Variants in SLC6A6 observed in about 807,000 individuals in gnomAD.
SLC6A6 encodes the protein solute carrier family 6 member 6.
In SLC6A6, 16 loss-of-function variants were observed where a neutral mutation model predicts 68.8. The observed-to-expected ratio is 0.23, with a 90% CI of 0.16 to 0.35. SLC6A6 has a LOEUF of 0.35. Ranked by LOEUF, SLC6A6 falls within the 10% of genes least tolerant of loss-of-function variation. The pLI is 1.00. For missense variants in SLC6A6, 474 were observed against 802.8 expected, an observed-to-expected ratio of 0.59 and a Z score of 4.95; for synonymous variants, 312 against 315.4, an observed-to-expected ratio of 0.99 and a Z score of 0.12.
At chr3:14,444,792 G>A (rs1397298306) in intron 3 of SLC6A6, 1 of 456,538 alleles carries the variant, frequency 2.2e-6, no homozygotes, top group African/African-American at 2.0e-5. Flanking sequence ...CCAGAACAAA[G>A]CACATACACT....
intron 13 of SLC6A6, among the ~76,000 whole-genome samples, 163 bp downstream of exon 13, chr3:14,479,348 T>G (rs1296114188): frequency 6.6e-6 from 1 of 151,786 alleles, no homozygotes; most frequent in African/African-American, 2.4e-5. Flanking sequence ...CTCCAGGGAG[T>G]TAGCTTGAGT....
chr3:14,478,501 T>C lies in SLC6A6; in HGVS notation c.1383T>C (p.Tyr461=), dbSNP rs1700934549. ...ATGTGTTTCAGCTCTTTGACTACTA[T>C]GCAGCTAGCGGTGTATGCCTTTTGT... The part of the protein sequence containing the change: ...GMYVFQLFDY[Y]AASGVCLLWV... The change falls in exon 12 of 15, where the codon TAT becomes TAC. Residue 461 remains tyrosine (Y), a synonymous_variant. Coordinates refer to ENST00000622186, the MANE Select transcript of SLC6A6 (RefSeq NM_003043.6). The C allele has an allele frequency of 1.2e-6, 2 of 1,613,802 alleles. No homozygotes were observed. Among genetic ancestry groups the C allele is most frequent in the African/African-American group, 1.3e-5 (1 of 74,928 alleles).
intron 2 of SLC6A6, among the ~76,000 whole-genome samples, chr3:14,419,328 C>T (rs1699435598): frequency 6.6e-6 from 1 of 152,196 alleles, no homozygotes; most frequent in South Asian, 2.1e-4. Flanking sequence ...CTGAGCACTG[C>T]TAGGTGTGCG....
chr3:14,470,873 G>C (rs1233416016), intron 9 of SLC6A6, among the ~76,000 whole-genome samples: 1 of 152,160 alleles, frequency 6.6e-6, no homozygotes, highest in Non-Finnish European at 1.5e-5. Flanking sequence ...CTCCTGATGG[G>C]GGTCTCCAGC....
chr3:14,450,005 C>T lies in SLC6A6; in HGVS notation c.599+2189C>T, dbSNP rs529020833. Among the ~76,000 whole-genome samples the T allele has an allele frequency of 1.6e-3, 244 of 152,274 alleles. 1 individual carries two copies. Among genetic ancestry groups the T allele is most frequent in the African/African-American group, 5.5e-3 (229 of 41,552 alleles). ...GACCTCATGATCTGCCTGCCTCAGC[C>T]TCCCAAAGTGCTGGGATTACAGGCG... On this transcript the variant is annotated intron_variant, in intron 5 of 14. Coordinates refer to ENST00000622186, the MANE Select transcript of SLC6A6 (RefSeq NM_003043.6). The surrounding 1 kb of genome is among the most constrained non-coding windows in gnomAD (Gnocchi z 4.1).
intron 5 of SLC6A6, among the ~76,000 whole-genome samples, chr3:14,456,023 G>C (rs1700359681): frequency 6.6e-6 from 1 of 152,224 alleles, no homozygotes; most frequent in Admixed American, 6.5e-5. Context: ...GAGAGCACTG[G>C]TTTTGGAGTC....
At chr3:14,409,074 C>G (rs572203826) in intron 1 of SLC6A6, among the ~76,000 whole-genome samples, 1 of 152,372 alleles carries the variant, frequency 6.6e-6, no homozygotes, top group South Asian at 2.1e-4. Context: ...TCCCAAAGTG[C>G]TGGGATTACT....
At chr3:14,418,153 A>G (rs1366149389) in intron 2 of SLC6A6, among the ~76,000 whole-genome samples, 3 of 152,176 alleles carry the variant, frequency 2.0e-5, no homozygotes, top group South Asian at 2.1e-4. Context: ...TCCTTTAGTA[A>G]AAAAGATGGC....
intron 2 of SLC6A6, among the ~76,000 whole-genome samples, chr3:14,433,799 T>G (rs1699786295): frequency 1.4e-5 from 1 of 73,590 alleles, no homozygotes; most frequent in African/African-American, 7.0e-5. Flanking sequence ...CTAGACTCTG[T>G]CTCAAAAAAA....
At chr3:14,467,713 C>T (rs536207940) in intron 7 of SLC6A6, 140 bp from the exon 8 acceptor site, 27 of 609,298 alleles carry the variant, frequency 4.4e-5, no homozygotes, top group Admixed American at 6.1e-5. Flanking sequence ...ACCTTGGATT[C>T]GAGCATAAAT....
chr3:14,417,757 G>A (rs1255547718), intron 2 of SLC6A6, among the ~76,000 whole-genome samples: 1 of 151,624 alleles, frequency 6.6e-6, no homozygotes, highest in African/African-American at 2.4e-5. Context: ...AAAGAGCAAG[G>A]CCATTCTCTT....
At chr3:14,475,425 G>A (rs536139245) in intron 10 of SLC6A6, among the ~76,000 whole-genome samples, 2 of 152,242 alleles carry the variant, frequency 1.3e-5, no homozygotes, top group South Asian at 4.1e-4. Context: ...CGCTGACATG[G>A]GTTAACAGTT....
chr3:14,445,258 T>TG (rs1700089100), intron 3 of SLC6A6, among the ~76,000 whole-genome samples: 2 of 109,688 alleles, frequency 1.8e-5, no homozygotes, highest in Non-Finnish European at 3.7e-5. Context: ...CTGTCTCTAC[T>TG]AAAAAACAAA....
chr3:14,480,518 T>C (rs1406819052), intron 13 of SLC6A6, among the ~76,000 whole-genome samples: 1 of 152,134 alleles, frequency 6.6e-6, no homozygotes, highest in Non-Finnish European at 1.5e-5. Flanking sequence ...GCAGCATCTC[T>C]TGGGACTCAC....
At chr3:14,480,169 C>T (rs141921305) in intron 13 of SLC6A6, among the ~76,000 whole-genome samples, 296 of 152,296 alleles carry the variant, frequency 1.9e-3, no homozygotes, top group African/African-American at 6.8e-3. Flanking sequence ...TAGACTGTTA[C>T]TGTTATTTAA....
intron 2 of SLC6A6, among the ~76,000 whole-genome samples, chr3:14,417,243 T>A (rs889512730): frequency 1.3e-5 from 2 of 152,034 alleles, no homozygotes; most frequent in South Asian, 2.1e-4. Flanking sequence ...GTTGCAAGAG[T>A]ATTACAGTGG....
In SLC6A6 at chr3:14,450,874, G is replaced by T. The variant is rs1700236754; in HGVS notation, c.599+3058G>T. 6.6e-6 allele frequency among the ~76,000 whole-genome samples: 1 copy of T among 151,946 alleles called. No individual in the cohort carries two copies. Among genetic ancestry groups the T allele is most frequent in the Non-Finnish European group, 1.5e-5 (1 of 67,992 alleles). ...CCTGTGAGCATAGTACTAGGAACTT[G>T]CCCCTGTCATTTCTTTCAGTCTCTA... On this transcript the variant is annotated intron_variant, in intron 5 of 14. Coordinates refer to ENST00000622186, the MANE Select transcript of SLC6A6 (RefSeq NM_003043.6). The surrounding 1 kb of genome is among the most constrained non-coding windows in gnomAD (Gnocchi z 4.1).
At chr3:14,438,645 C>A (rs563780737) in intron 2 of SLC6A6, among the ~76,000 whole-genome samples, 6 of 152,258 alleles carry the variant, frequency 3.9e-5, no homozygotes, top group African/African-American at 1.4e-4. Context: ...TTTGCTTAAC[C>A]AAGAGGTTTG....
chr3:14,437,994 ATTTTTT>A (rs34038422), intron 2 of SLC6A6, among the ~76,000 whole-genome samples: 3 of 118,306 alleles, frequency 2.5e-5, no homozygotes, highest in Middle Eastern at 4.2e-3. Flanking sequence ...CATCTGGCTA[ATTTTTT>A]TTTTTTTTTT....
Sources: allele counts gnomAD v4.1 joint callset (sites outside exome capture counted in the v4.1 genomes callset), GRCh38; gene constraint gnomAD v4.1.1; non-coding constraint Gnocchi (gnomAD v3.1); transcripts MANE v1.5; gene names NCBI Gene and HGNC (gene_info 2026-07-23, HGNC 2026-07-21).